Variants in NRG2 observed in about 807,000 individuals in gnomAD.
The protein encoded by NRG2 is pro-neuregulin-2, membrane-bound isoform.
A neutral mutation model predicts 73.9 loss-of-function variants in NRG2; 27 were observed. That is an observed-to-expected ratio of 0.37 (90% confidence interval 0.27 to 0.50). The LOEUF (loss-of-function observed/expected upper bound fraction) is 0.50. Ranked by LOEUF, NRG2 falls within the 20% of genes least tolerant of loss-of-function variation. NRG2 has a pLI of 0.96. For missense variants in NRG2, 1,126 were observed against 1,210.1 expected (o/e 0.93, Z 1.03); for synonymous variants, 532 against 541.0 (o/e 0.98, Z 0.23).
At chr5:140,034,988 A>C (rs1016376567) in intron 1 of NRG2, among the ~76,000 whole-genome samples, 7 of 152,192 alleles carry the variant, frequency 4.6e-5, no homozygotes, top group Admixed American at 2.6e-4. Flanking sequence ...TTGGGAGGTC[A>C]AAGTGGGAAG....
At chr5:139,970,593 A>C (rs1160775251) in intron 1 of NRG2, among the ~76,000 whole-genome samples, 1 of 152,206 alleles carries the variant, frequency 6.6e-6, no homozygotes, top group Non-Finnish European at 1.5e-5. Flanking sequence ...CTCTCTAACT[A>C]TTCCAGCCCT....
At chr5:139,978,006 G>A (rs1412936014) in intron 1 of NRG2, among the ~76,000 whole-genome samples, 2 of 152,120 alleles carry the variant, frequency 1.3e-5, no homozygotes, top group African/African-American at 2.4e-5. Context: ...AGAAAACCTA[G>A]GCAATACCAT....
chr5:139,863,777 T>C (rs1163230153), intron 5 of NRG2, among the ~76,000 whole-genome samples: 1 of 152,188 alleles, frequency 6.6e-6, no homozygotes, highest in Admixed American at 6.5e-5. Context: ...TTGGGCCACA[T>C]GTCCTGCCCA....
intron 2 of NRG2, among the ~76,000 whole-genome samples, chr5:139,885,602 G>T (rs1258472067): frequency 6.6e-6 from 1 of 152,160 alleles, no homozygotes; most frequent in Non-Finnish European, 1.5e-5. Flanking sequence ...GCAGCGTGGA[G>T]GGACAGCATT....
rs1763960565 is a variant in NRG2, at chr5:139,887,704, A to G, written c.701-193T>C. Among the ~76,000 whole-genome samples the G allele has an allele frequency of 6.6e-6, 1 of 152,182 alleles. No individual in the cohort carries two copies. Among genetic ancestry groups the G allele is most frequent in the African/African-American group, 2.4e-5 (1 of 41,442 alleles). Reference sequence around the variant, plus strand: ...TTATAATGAGTCTGTGATGACATCAATGTAGTTATAACTTATGGAGAGTTT... The same window carrying G: ...TTATAATGAGTCTGTGATGACATCAGTGTAGTTATAACTTATGGAGAGTTT... On this transcript the variant is annotated intron_variant, in intron 1 of 9. Transcript: ENST00000361474. This position sits in a 1 kb window ranked among gnomAD's most constrained non-coding sequence, Gnocchi z 4.5.
At chr5:139,958,925 T>C (rs980938800) in intron 1 of NRG2, among the ~76,000 whole-genome samples, 8 of 152,186 alleles carry the variant, frequency 5.3e-5, no homozygotes, top group African/African-American at 1.7e-4. Context: ...CCGAGGGCCA[T>C]TGGTGGCATG....
At chr5:139,921,455 A>G in intron 1 of NRG2, among the ~76,000 whole-genome samples, 1 of 152,244 alleles carries the variant, frequency 6.6e-6, no homozygotes, top group South Asian at 2.1e-4. Context: ...AATATAGTCA[A>G]CTGATCTTTG....
chr5:139,892,154 T>C (rs1764252031), intron 1 of NRG2, among the ~76,000 whole-genome samples: 1 of 152,150 alleles, frequency 6.6e-6, no homozygotes. Flanking sequence ...CAGGGGGCAG[T>C]GGCAGCAGCT....
Position 139,848,172 on chromosome 5 carries a change from G to A in NRG2, c.2298C>T (p.Ser766=). 13 of 1,424,652 alleles carry A rather than the reference G, an allele frequency of 9.1e-6. No homozygotes were observed. In the East Asian group the frequency reaches 9.4e-5, roughly 10 times the overall value. 88.3% of individuals were successfully genotyped at this position (1,424,652 alleles called of 1,614,324 possible). ...ARAARDSLSL[S]SGSGGGSASA... ...AGGCTGAGCCGCCGCCCGAGCCGCTGCTCAGCGACAGCGAGTCCCTCGCCG... is the reference window on the plus strand; with the variant it reads ...AGGCTGAGCCGCCGCCCGAGCCGCTACTCAGCGACAGCGAGTCCCTCGCCG... The change falls in exon 10 of 10, where the codon AGC becomes AGT. Residue 766 remains serine (S), a synonymous_variant. Coordinates refer to ENST00000361474, the MANE Select transcript of NRG2 (RefSeq NM_004883.3).
intron 1 of NRG2, among the ~76,000 whole-genome samples, chr5:139,984,060 CA>C (rs1756997824): frequency 6.6e-6 from 1 of 152,164 alleles, no homozygotes; most frequent in Non-Finnish European, 1.5e-5. Flanking sequence ...TATTTGCCAT[CA>C]GTCTCATCAA....
intron 5 of NRG2, chr5:139,861,660 G>A (rs1762151738): frequency 6.2e-6 from 3 of 482,998 alleles, no homozygotes; most frequent in Non-Finnish European, 1.2e-5. Flanking sequence ...CTGCTTGGAG[G>A]CAGGAAAAAG....
At position 139,904,497 on chromosome 5, in the gene NRG2, T is replaced by C. The variant is rs2127177815; in HGVS notation, c.701-16986A>G. 1 of 640,374 alleles carries C rather than the reference T, an allele frequency of 1.6e-6. No individual in the cohort carries two copies. The highest frequency in any genetic ancestry group is 2.6e-6 in the Non-Finnish European group (1 of 384,872). The allele number at this position is 640,374 out of a possible 1,614,324, so 39.7% of individuals were successfully genotyped here. A position where few individuals can be genotyped will look rare whatever the true frequency, so the allele number is the denominator to read the frequency against. ...CAGTGCCCGAGCGCGGCGCCTTTCT[T>C]ATAGGCGGTCACACCCTCCGGGGGA... On this transcript the variant is annotated intron_variant, in intron 1 of 9. Transcript: ENST00000361474. The surrounding 1 kb of genome is among the most constrained non-coding windows in gnomAD (Gnocchi z 6.0).
intron 1 of NRG2, among the ~76,000 whole-genome samples, chr5:139,935,355 C>T (rs1340976421): frequency 6.6e-6 from 1 of 152,130 alleles, no homozygotes; most frequent in Non-Finnish European, 1.5e-5. Flanking sequence ...TTGAACAGTA[C>T]TATTAACCAA....
chr5:139,852,055 C>T lies in NRG2; in HGVS notation c.1545-224G>A, dbSNP rs1039501159. 1.3e-5 allele frequency among the ~76,000 whole-genome samples: 2 copies of T among 152,156 alleles called. No individual in the cohort carries two copies. The highest frequency in any genetic ancestry group is 4.8e-5 in the African/African-American group (2 of 41,440). ...TGGGTGAGCTGTAATGTGCAGAGAC[C>T]CATTTCTTTCCTTCCTGCAACCAGC... On this transcript the variant is annotated intron_variant, in intron 8 of 9. Coordinates refer to ENST00000361474, the MANE Select transcript of NRG2 (RefSeq NM_004883.3). This position sits in a 1 kb window ranked among gnomAD's most constrained non-coding sequence, Gnocchi z 4.4.
At chr5:139,961,109 C>A (rs1034305226) in intron 1 of NRG2, among the ~76,000 whole-genome samples, 2 of 152,346 alleles carry the variant, frequency 1.3e-5, no homozygotes, top group Middle Eastern at 3.4e-3. Context: ...AGAACCAACA[C>A]GCTTGTACGC....
At chr5:139,874,677 T>A (rs1385997427) in intron 3 of NRG2, among the ~76,000 whole-genome samples, 2 of 152,218 alleles carry the variant, frequency 1.3e-5, no homozygotes, top group African/African-American at 4.8e-5. Context: ...ATTGTATCAA[T>A]CTTTTCTATT....
intron 1 of NRG2, among the ~76,000 whole-genome samples, chr5:139,948,706 A>G (rs1359652940): frequency 6.6e-6 from 1 of 152,232 alleles, no homozygotes; most frequent in Non-Finnish European, 1.5e-5. Flanking sequence ...ATATCCATAT[A>G]TTAAAATATT....
intron 1 of NRG2, among the ~76,000 whole-genome samples, chr5:140,032,741 A>G (rs184198981): frequency 1.5e-3 from 228 of 152,368 alleles, no homozygotes; most frequent in African/African-American, 5.1e-3. Flanking sequence ...TGTTATATAC[A>G]TAATATAGGC....
At chr5:140,022,774 C>T (rs1760342851) in intron 1 of NRG2, among the ~76,000 whole-genome samples, 2 of 152,152 alleles carry the variant, frequency 1.3e-5, no homozygotes, top group Non-Finnish European at 1.5e-5. Context: ...GTGCCAAGTA[C>T]GTATTAAGTG....
Sources: gnomAD v4.1 joint callset for allele counts (sites outside exome capture counted in the v4.1 genomes callset) on GRCh38, gnomAD v4.1.1 for gene constraint, Gnocchi (gnomAD v3.1) non-coding constraint, MANE v1.5 for transcripts, NCBI Gene and HGNC (gene_info 2026-07-23, HGNC 2026-07-21) for gene names.